The following MYH6 variants were observed in gnomAD, a reference collection of about 807,000 sequenced individuals.
MYH6 encodes the protein myosin heavy chain 6, also known as myosin-6.
A neutral mutation model predicts 223.2 loss-of-function variants in MYH6; 126 were observed. The ratio of observed to expected loss-of-function variants is 0.56; its 90% CI spans 0.49 to 0.65. The LOEUF is 0.65. Ranked by LOEUF, MYH6 falls within the 30% of genes least tolerant of loss-of-function variation. MYH6 has a pLI of 0.00. For missense variants in MYH6, 2,040 were observed against 2,536.4 expected, an observed-to-expected ratio of 0.80 and a Z score of 4.20; for synonymous variants, 978 against 1,010.2, an observed-to-expected ratio of 0.97 and a Z score of 0.61.
At chr14:23,389,844 C>T in intron 26 of MYH6, 125 bp from the exon 27 acceptor site, 3 of 1,547,688 alleles carry the variant, frequency 1.9e-6, no homozygotes, top group Non-Finnish European at 1.8e-6. Context: ...TGGGAGGGCG[C>T]AGTCTGAAGA....
intron 37 of MYH6, among the ~76,000 whole-genome samples, chr14:23,382,944 G>A (rs376627976): frequency 3.9e-5 from 6 of 152,124 alleles, no homozygotes; most frequent in Admixed American, 6.5e-5. Context: ...CAATTCCACC[G>A]CCACCTTCCT....
intron 32 of MYH6, 134 bp downstream of exon 32, chr14:23,387,395 G>C (rs1426823482): frequency 2.1e-6 from 3 of 1,413,082 alleles, no homozygotes; most frequent in African/African-American, 1.4e-5. Context: ...GTAGTGAATA[G>C]TGGGTAGATA....
chr14:23,391,146 G>A (rs959159469), intron 25 of MYH6, among the ~76,000 whole-genome samples: 7 of 152,144 alleles, frequency 4.6e-5, no homozygotes, highest in Non-Finnish European at 8.8e-5. Context: ...GGAGAATATC[G>A]TATCTACCAT....
chr14:23,407,359 G>T lies in MYH6; in HGVS notation c.-13-123C>A. The stretch of plus-strand genomic sequence containing the variant: ...CTCCTCCACCCTGGGAGAGGCACCT[G>T]CTGTTGCACCCTCCCCTACTCAGGG... On this transcript the variant is annotated intron_variant, in intron 2 of 38. Transcript: ENST00000405093. This position sits in a 1 kb window ranked among gnomAD's most constrained non-coding sequence, Gnocchi z 5.6. 8.2e-7 allele frequency: 1 copy of T among 1,217,276 alleles called. No homozygotes were observed. The highest frequency in any genetic ancestry group is 1.2e-6 in the Non-Finnish European group (1 of 853,778). 75.4% of individuals were successfully genotyped at this position (1,217,276 alleles called of 1,614,324 possible).
intron 6 of MYH6, 97 bp from the exon 7 acceptor site, chr14:23,404,919 G>A: frequency 6.7e-7 from 1 of 1,484,114 alleles, no homozygotes. Flanking sequence ...GGCCATCAGA[G>A]CCCAGCACCC....
In MYH6 at chr14:23,407,323, C is replaced by T; in HGVS notation, c.-13-87G>A. On this transcript the variant is annotated intron_variant, in intron 2 of 38. Transcript: ENST00000405093. This position sits in a 1 kb window ranked among gnomAD's most constrained non-coding sequence, Gnocchi z 5.6. ...TTGTCCTCTGCAGCCCCCCTCCCTA[C>T]CCCCGCTCCTCTCCTCCACCCTGGG... is the stretch of plus-strand genomic sequence containing the variant. 4.1e-6 allele frequency: 6 copies of T among 1,480,234 alleles called. No individual in the cohort carries two copies. The highest frequency in any genetic ancestry group is 1.4e-5 in the African/African-American group (1 of 72,338). The allele number at this position is 1,480,234 out of a possible 1,614,324, so 91.7% of individuals were successfully genotyped here. A position where few individuals can be genotyped will look rare whatever the true frequency, so the allele number is the denominator to read the frequency against.
Position 23,404,715 on chromosome 14 carries a change from T to C in MYH6, c.638A>G (p.Asn213Ser). The change falls in exon 7 of 39, where the codon AAC becomes AGC. Residue 213 changes from asparagine (N) to serine (S), a missense_variant. Physicochemically the swap from Asn to Ser is conservative, Grantham distance 46. Transcript: ENST00000405093. Reference protein sequence around the residue: ...DRGKKDNANANKGTLEDQIIQ... With the variant: ...DRGKKDNANASKGTLEDQIIQ... Reference sequence around the variant, plus strand: ...AGCCTGTGTCCCCCATGGCACCTTGTTCGCATTGGCATTGTCCTTCTTGCC... The same window carrying C: ...AGCCTGTGTCCCCCATGGCACCTTGCTCGCATTGGCATTGTCCTTCTTGCC... 1 of 1,614,028 alleles carries C rather than the reference T, an allele frequency of 6.2e-7. No homozygotes were observed. The highest frequency in any genetic ancestry group is 8.5e-7 in the Non-Finnish European group (1 of 1,179,906).
In MYH6 at chr14:23,404,814, G is replaced by A; in HGVS notation, c.539C>T (p.Ser180Phe). ...ENQSILITGE[S>F]GAGKTVNTKR... ...GGTGTTCACAGTCTTCCCCGCCCCGGATTCTCCCCTGGGGGCCACAGAGAC... is the reference window on the plus strand; with the variant it reads ...GGTGTTCACAGTCTTCCCCGCCCCGAATTCTCCCCTGGGGGCCACAGAGAC... The change falls in exon 7 of 39, where the codon TCC (serine) becomes TTC (phenylalanine). Residue 180 changes from serine (S) to phenylalanine (F), a missense_variant. By Grantham distance (155) the Ser-to-Phe change is radical. This residue lies in a region of MYH6 where 4 missense variants were observed against 26.4 expected (regional missense o/e 0.15). Transcript: ENST00000405093. The A allele has an allele frequency of 6.2e-7, 1 of 1,614,048 alleles. No homozygotes were observed. The highest frequency in any genetic ancestry group is 8.5e-7 in the Non-Finnish European group (1 of 1,179,942).
intron 36 of MYH6, among the ~76,000 whole-genome samples, chr14:23,383,747 C>A (rs897098291): frequency 6.6e-6 from 1 of 152,168 alleles, no homozygotes; most frequent in African/African-American, 2.4e-5. Context: ...ATTCTACATT[C>A]TAATATATTG....
At chr14:23,384,219 T>G (rs969701546) in intron 36 of MYH6, among the ~76,000 whole-genome samples, 1 of 149,230 alleles carries the variant, frequency 6.7e-6, no homozygotes. Flanking sequence ...GAAAGAAACC[T>G]GGGGAAAGAC....
chr14:23,400,567 G>C, intron 13 of MYH6, 141 bp from the exon 14 acceptor site: 1 of 1,580,398 alleles, frequency 6.3e-7, no homozygotes, highest in South Asian at 1.1e-5. Context: ...TTCCCCTGAA[G>C]ACAGGGACAA....
rs1716543675 is a variant in MYH6, at chr14:23,407,504, C to A, written c.-14+72G>T. The A allele has an allele frequency of 7.5e-7, 1 of 1,324,786 alleles. No homozygotes were observed. The highest frequency in any genetic ancestry group is 1.5e-5 in the African/African-American group (1 of 67,326). 82.1% of individuals were successfully genotyped at this position (1,324,786 alleles called of 1,614,324 possible). The stretch of plus-strand genomic sequence containing the variant: ...CGCTGAGTGCTTGGGACAGCAGACC[C>A]CTGGTCCAGCAATCCGGCTCCCAGG... On this transcript the variant is annotated intron_variant, in intron 2 of 38. Transcript: ENST00000405093. The surrounding 1 kb of genome is among the most constrained non-coding windows in gnomAD (Gnocchi z 5.6).
intron 13 of MYH6, 125 bp downstream of exon 13, chr14:23,400,584 C>T: frequency 3.8e-6 from 6 of 1,581,710 alleles, no homozygotes; most frequent in Admixed American, 1.8e-5. Context: ...ACAATGACTG[C>T]CTCTGTCACC....
chr14:23,390,500 C>A, intron 25 of MYH6, 54 bp from the exon 26 acceptor site: 4 of 1,592,094 alleles, frequency 2.5e-6, no homozygotes, highest in South Asian at 2.2e-5. Context: ...CCACTGGAAT[C>A]CCCCCGGCTC....
intron 15 of MYH6, 145 bp from the exon 16 acceptor site, chr14:23,397,758 T>A: frequency 1.2e-6 from 1 of 867,326 alleles, no homozygotes; most frequent in Non-Finnish European, 1.9e-6. Flanking sequence ...AGGATGACAG[T>A]AACAACTTCC....
chr14:23,389,557 C>A (rs760755309), intron 27 of MYH6, 36 bp downstream of exon 27: 2 of 1,614,178 alleles, frequency 1.2e-6, no homozygotes, highest in South Asian at 1.1e-5. Flanking sequence ...CAAGTCATGT[C>A]CTGCCCTAGG....
At chr14:23,390,002 G>C (rs930008451) in intron 26 of MYH6, 55 bp downstream of exon 26, 19 of 1,613,112 alleles carry the variant, frequency 1.2e-5, no homozygotes, top group Non-Finnish European at 1.5e-5. Flanking sequence ...GAGAAGGCAT[G>C]GGGGAGGCTC....
intron 10 of MYH6, among the ~76,000 whole-genome samples, chr14:23,403,037 G>T (rs770108153): frequency 1.3e-5 from 2 of 152,030 alleles, no homozygotes; most frequent in Non-Finnish European, 2.9e-5. Context: ...AAGGAGGAGG[G>T]AGGGTGGCAG....
In MYH6 at chr14:23,393,337, C is replaced by G. The variant is rs368091369; in HGVS notation, c.3105+5G>C. ...GAGAGCAGGAGCATGGTTCTTACTA[C>G]TCACATCATCCACCTGCTGCTCCAG... On this transcript the variant is annotated splice_donor_5th_base_variant and intron_variant, in intron 23 of 38. Transcript: ENST00000405093. 1 of 1,614,196 alleles carries G rather than the reference C, an allele frequency of 6.2e-7. No homozygotes were observed. The highest frequency in any genetic ancestry group is 1.3e-5 in the African/African-American group (1 of 75,062).
Sources: allele counts gnomAD v4.1 joint callset (sites outside exome capture counted in the v4.1 genomes callset), GRCh38; gene constraint gnomAD v4.1.1; regional missense constraint gnomAD v4.1.1; non-coding constraint Gnocchi (gnomAD v3.1); transcripts MANE v1.5; gene names NCBI Gene and HGNC (gene_info 2026-07-23, HGNC 2026-07-21).